Variants in ZNF18 observed in about 807,000 individuals in gnomAD.
The protein encoded by ZNF18 is heart development-specific gene 1 protein.
ZNF18 carries 42 observed loss-of-function variants against 58.1 expected under a neutral mutation model. The ratio of observed to expected loss-of-function variants is 0.72; its 90% CI spans 0.56 to 0.93. The LOEUF is 0.93. ZNF18 is among the 40% of genes least tolerant of loss of function. The probability of loss-of-function intolerance (pLI) is 0.00; values close to 1 mark genes in which losing one functional copy is unlikely to be tolerated. For synonymous variants in ZNF18, 231 were observed against 239.8 expected (o/e 0.96, Z 0.34); for missense variants, 540 against 644.2 (o/e 0.84, Z 1.75).
Position 11,992,726 on chromosome 17 carries a change from G to A in ZNF18, c.104C>T (p.Ser35Phe), listed in dbSNP as rs1440390899. 6.2e-7 allele frequency: 1 copy of A among 1,614,268 alleles called. No individual in the cohort carries two copies. The highest frequency in any genetic ancestry group is 1.7e-5 in the Admixed American group (1 of 60,030). Residue 35 changes from serine to phenylalanine, a missense_variant, in exon 2 of 7, where the codon TCC becomes TTC. Transcript: ENST00000580306. Reference protein sequence around the residue: ...ESDAALQEELSSPETARQLFR... With the variant: ...ESDAALQEELFSPETARQLFR... ...AAGCTGGCGTGCGGTCTCAGGGCTG[G>A]AGAGTTCCTCTTGAAGGGCAGCATC...
At chr17:12,000,245 T>A (rs1193828471), upstream of ZNF18, among the ~76,000 whole-genome samples, 1 of 151,908 alleles carries the variant, frequency 6.6e-6, no homozygotes, top group Non-Finnish European at 1.5e-5. Flanking sequence ...CATGAAACAA[T>A]GAGTGACAAT....
At chr17:12,021,102 C>T in the ZNF18 span, 15 of 648,974 alleles carry the variant, frequency 2.3e-5, no homozygotes, top group Non-Finnish European at 3.2e-5. Context: ...CTGAGGAAGC[C>T]ACGGCAGCCG....
At position 11,977,905 on chromosome 17, in the gene ZNF18, T is replaced by G; in HGVS notation, c.*52A>C. ...AATTCCTCTTGATGGAGCTGAGTAT[T>G]TTTGTGACTGGGCTGGGAGATAGAA... On this transcript the variant is annotated 3_prime_UTR_variant, in exon 7 of 7. Transcript: ENST00000580306. The G allele has an allele frequency of 6.6e-7, 1 of 1,519,826 alleles. No homozygotes were observed. 94.1% of individuals were successfully genotyped at this position (1,519,826 alleles called of 1,614,324 possible). A position where few individuals can be genotyped will look rare whatever the true frequency, so the allele number is the denominator to read the frequency against.
chr17:12,004,692 G>T, the ZNF18 span, among the ~76,000 whole-genome samples: 12 of 152,084 alleles, frequency 7.9e-5, no homozygotes, highest in African/African-American at 2.9e-4. Flanking sequence ...TTCGAAGCCA[G>T]CCTGGCCAAC....
At chr17:11,986,845 G>T (rs986615625) in intron 4 of ZNF18, among the ~76,000 whole-genome samples, 2 of 152,152 alleles carry the variant, frequency 1.3e-5, no homozygotes, top group Admixed American at 6.6e-5. Context: ...CTACCAAGAA[G>T]AGTACAAGGC....
At chr17:12,015,434 G>A in the ZNF18 span, among the ~76,000 whole-genome samples, 2 of 152,282 alleles carry the variant, frequency 1.3e-5, no homozygotes, top group African/African-American at 4.8e-5. Context: ...TTCAGACTTA[G>A]TTGTTAGAAG....
At chr17:12,017,865 G>A in the ZNF18 span, among the ~76,000 whole-genome samples, 5 of 138,300 alleles carry the variant, frequency 3.6e-5, no homozygotes, top group Admixed American at 3.0e-4. Context: ...CAACAAGAGC[G>A]AAACACCATC....
chr17:11,978,321 G>C lies in ZNF18; in HGVS notation c.1286C>G (p.Thr429Ser), dbSNP rs765712023. The part of the protein sequence containing the change: ...RNSQLIFHQR[T>S]HTGETYFQCT... ...CTGAAAGTATGTCTCTCCGGTGTGA[G>C]TTCTTTGGTGAAAAATAAGCTGAGA... Residue 429 changes from threonine (T) to serine (S), a missense_variant, in exon 7 of 7, where the codon ACT becomes AGT. Thr to Ser is a moderately conservative substitution (Grantham distance 58). Coordinates refer to ENST00000580306, the MANE Select transcript of ZNF18 (RefSeq NM_001303281.2). The C allele has an allele frequency of 1.9e-6, 3 of 1,592,410 alleles. No individual in the cohort carries two copies. Among genetic ancestry groups the C allele is most frequent in the Non-Finnish European group, 2.6e-6 (3 of 1,171,566 alleles).
intron 6 of ZNF18, 111 bp downstream of exon 6, chr17:11,983,186 A>G: frequency 1.4e-6 from 1 of 727,372 alleles, no homozygotes; most frequent in South Asian, 1.6e-5. Flanking sequence ...AGTTATAACC[A>G]ACGTAATAGA....
At position 11,977,472 on chromosome 17, in the gene ZNF18, A is replaced by T. The variant is rs1967070370; in HGVS notation, c.*485T>A. The T allele has an allele frequency of 6.5e-6, 1 of 153,920 alleles. No homozygotes were observed. The highest frequency in any genetic ancestry group is 1.4e-5 in the Non-Finnish European group (1 of 69,396). 9.5% of individuals were successfully genotyped at this position (153,920 alleles called of 1,614,324 possible). A position where few individuals can be genotyped will look rare whatever the true frequency, so the allele number is the denominator to read the frequency against. On this transcript the variant is annotated 3_prime_UTR_variant, in exon 7 of 7. Coordinates refer to ENST00000580306, the MANE Select transcript of ZNF18 (RefSeq NM_001303281.2). ...AAAGTGACTCTGCTAAGTTTATTTCAAACAAGGGACACTTGAAGTTAGTTT... is the reference window on the plus strand; with the variant it reads ...AAAGTGACTCTGCTAAGTTTATTTCTAACAAGGGACACTTGAAGTTAGTTT...
upstream of ZNF18, among the ~76,000 whole-genome samples, chr17:11,999,412 G>A (rs923181257): frequency 6.6e-6 from 1 of 152,232 alleles, no homozygotes; most frequent in African/African-American, 2.4e-5. Context: ...TTCCTGATAT[G>A]AAAATGACAC....
intron 1 of ZNF18, chr17:11,997,148 C>T (rs1968520435): frequency 6.6e-6 from 1 of 152,522 alleles, no homozygotes; most frequent in Admixed American, 6.5e-5. Flanking sequence ...CGTTTTCGGT[C>T]CCAGTGCAGA....
At chr17:12,007,765 C>A in the ZNF18 span, among the ~76,000 whole-genome samples, 1 of 152,306 alleles carries the variant, frequency 6.6e-6, no homozygotes, top group East Asian at 1.9e-4. Context: ...CTAACAGAAG[C>A]TTCCAGGAGC....
At chr17:12,001,457 A>G (rs940997868), upstream of ZNF18, among the ~76,000 whole-genome samples, 7 of 152,188 alleles carry the variant, frequency 4.6e-5, no homozygotes, top group Admixed American at 3.9e-4. Context: ...GTGAAACCCC[A>G]TCTCTACTAA....
chr17:12,003,795 C>G, the ZNF18 span, among the ~76,000 whole-genome samples: 1 of 152,152 alleles, frequency 6.6e-6, no homozygotes, highest in Non-Finnish European at 1.5e-5. Context: ...CCTGGAGACA[C>G]GACAAAGAAG....
the ZNF18 span, among the ~76,000 whole-genome samples, chr17:12,015,070 C>T: frequency 6.6e-6 from 1 of 151,896 alleles, no homozygotes; most frequent in Non-Finnish European, 1.5e-5. Flanking sequence ...AAAAACCCCA[C>T]TGAATTATAT....
At position 11,977,860 on chromosome 17, in the gene ZNF18, A is replaced by AG. The variant is rs1967085460; in HGVS notation, c.*96dup. 3 of 1,383,314 alleles carry AG rather than the reference A, an allele frequency of 2.2e-6. No individual in the cohort carries two copies. The highest frequency in any genetic ancestry group is 2.9e-6 in the Non-Finnish European group (3 of 1,018,504). 85.7% of individuals were successfully genotyped at this position (1,383,314 alleles called of 1,614,324 possible). ...CAATCCAAGAAAAAAGGAGATTAAC[A>AG]GGGGTATCCTCTTAGACACAATTCC... On this transcript the variant is annotated 3_prime_UTR_variant, in exon 7 of 7. Coordinates refer to ENST00000580306, the MANE Select transcript of ZNF18 (RefSeq NM_001303281.2).
chr17:11,988,502 A>G (rs1228153316), intron 4 of ZNF18, among the ~76,000 whole-genome samples: 2 of 152,222 alleles, frequency 1.3e-5, no homozygotes, highest in East Asian at 1.9e-4. Context: ...AGAGATCTAC[A>G]GAGCGTCCCC....
intron 5 of ZNF18, among the ~76,000 whole-genome samples, 172 bp downstream of exon 5, chr17:11,983,941 C>A (rs1229246544): frequency 1.3e-5 from 2 of 152,182 alleles, no homozygotes; most frequent in African/African-American, 2.4e-5. Flanking sequence ...CAAGGAAGTT[C>A]TTACTGTTAA....
Sources: gnomAD v4.1 joint callset for allele counts (sites outside exome capture counted in the v4.1 genomes callset) on GRCh38, gnomAD v4.1.1 for gene constraint, MANE v1.5 for transcripts, NCBI Gene and HGNC (gene_info 2026-07-23, HGNC 2026-07-21) for gene names.